The following ADAP1 variants were observed in gnomAD, a reference collection of about 807,000 sequenced individuals.
ADAP1 encodes ArfGAP with dual PH domains 1.
A neutral mutation model predicts 54.9 loss-of-function variants in ADAP1; 31 were observed. The observed-to-expected ratio is 0.56, with a 90% confidence interval of 0.42 to 0.76. The LOEUF (loss-of-function observed/expected upper bound fraction) is 0.76. Among genes scored for constraint, ADAP1 ranks in the 30% least tolerant of loss-of-function variants. The pLI, the probability that ADAP1 is intolerant of heterozygous loss-of-function variation, is 0.00. For synonymous variants in ADAP1, 313 were observed against 202.6 expected, an observed-to-expected ratio of 1.55 and a Z score of -4.63; for missense variants, 535 against 512.4, an observed-to-expected ratio of 1.04 and a Z score of -0.42.
In ADAP1 at chr7:897,919, C is replaced by G. The variant is rs1844581657; in HGVS notation, c.*1002G>C. The G allele has an allele frequency of 6.6e-6, 1 of 152,274 alleles. No individual in the cohort carries two copies. The highest frequency in any genetic ancestry group is 2.4e-5 in the African/African-American group (1 of 41,464). The allele number at this position is 152,274 out of a possible 1,614,324, so 9.4% of individuals were successfully genotyped here. On this transcript the variant is annotated 3_prime_UTR_variant, in exon 11 of 11. Transcript: ENST00000265846. ...CACAGCTGGAACCATGCCAGAGCCA[C>G]ATTTTATTCCAGGATGCGACACGGG...
intron 4 of ADAP1, among the ~76,000 whole-genome samples, chr7:906,553 GGA>G (rs1157253679): frequency 7.7e-5 from 1 of 13,038 alleles, no homozygotes. Flanking sequence ...AGGGAGAAAG[GGA>G]GAAAGGGAAA....
chr7:900,788 C>T (rs546020274), intron 6 of ADAP1, 172 bp from the exon 7 acceptor site: 10 of 655,964 alleles, frequency 1.5e-5, no homozygotes, highest in African/African-American at 1.5e-4. Context: ...CCTGTGCCCA[C>T]GCTGAGGCCG....
chr7:951,670 G>A (rs1847275213), intron 1 of ADAP1, among the ~76,000 whole-genome samples: 1 of 152,160 alleles, frequency 6.6e-6, no homozygotes, highest in Non-Finnish European at 1.5e-5. Context: ...TGGAGGCAGA[G>A]GCTGCAGTGA....
At chr7:905,571 A>AG (rs1322086789) in intron 4 of ADAP1, 4 of 88,700 alleles carry the variant, frequency 4.5e-5, no homozygotes, top group Admixed American at 1.3e-4. Flanking sequence ...GAAAGGAGAA[A>AG]GGAGAAAGGA....
chr7:925,344 G>A (rs1846345232), intron 3 of ADAP1, among the ~76,000 whole-genome samples: 1 of 140,496 alleles, frequency 7.1e-6, no homozygotes, highest in Admixed American at 7.3e-5. Context: ...AATGTAGGGA[G>A]ACCCCGTCTC....
At chr7:905,275 G>C (rs542166024) in intron 4 of ADAP1, 103 bp from the exon 5 acceptor site, 3 of 456,614 alleles carry the variant, frequency 6.6e-6, no homozygotes, top group Non-Finnish European at 1.1e-5. Flanking sequence ...GAAGACACGG[G>C]GGACACGGAC....
At chr7:900,908 A>G (rs985538593) in intron 6 of ADAP1, 2 of 575,982 alleles carry the variant, frequency 3.5e-6, no homozygotes, top group Admixed American at 2.2e-5. Flanking sequence ...CGGGCTGGAC[A>G]GGGTCGGGGG....
chr7:906,630 AGAAAGGAGAAAGG>A (rs1312797465), intron 4 of ADAP1, among the ~76,000 whole-genome samples: 9 of 76,274 alleles, frequency 1.2e-4, no homozygotes, highest in Non-Finnish European at 1.0e-4. Context: ...AGGAGAAAGG[AGAAAGGAGAAAGG>A]GAAAGGAGAA....
intron 1 of ADAP1, among the ~76,000 whole-genome samples, chr7:936,876 C>T (rs374764669): frequency 1.3e-5 from 2 of 152,358 alleles, no homozygotes; most frequent in East Asian, 3.9e-4. Context: ...GGAGGATAGC[C>T]CCCCTCCCAA....
At chr7:953,699 T>C (rs1847320775) in intron 1 of ADAP1, among the ~76,000 whole-genome samples, 1 of 152,180 alleles carries the variant, frequency 6.6e-6, no homozygotes, top group African/African-American at 2.4e-5. Flanking sequence ...ACAGGACCAG[T>C]GGCCTGGAAG....
rs1163038376 is a variant in ADAP1, at chr7:899,976, G to T, written c.795+126C>A. The stretch of plus-strand genomic sequence containing the variant: ...GACCCCGGCCAGGCACAGACAAGGG[G>T]CTGTGAGGACCCACCAGACACCAGT... On this transcript the variant is annotated intron_variant, in intron 8 of 10. Transcript: ENST00000265846. 5.2e-6 allele frequency: 6 copies of T among 1,153,420 alleles called. No individual in the cohort carries two copies. In the Admixed American group the frequency reaches 5.5e-5, roughly 10 times the overall value. 71.4% of individuals were successfully genotyped at this position (1,153,420 alleles called of 1,614,324 possible).
chr7:904,093 G>C lies in ADAP1; in HGVS notation c.648+33C>G, dbSNP rs146488513. On this transcript the variant is annotated intron_variant, in intron 6 of 10. Transcript: ENST00000265846. ...CGGGCCTGAGGGCCCACCCTCCTGT[G>C]CCACCCGGGCCCGAGTGCTCGCCAG... is the stretch of plus-strand genomic sequence containing the variant. 277 of 1,608,836 alleles carry C rather than the reference G, an allele frequency of 1.7e-4. 2 individuals carry two copies. The African/African-American group carries it at 3.1e-3, about 18-fold the overall frequency.
At chr7:941,787 A>C (rs1009989688) in intron 1 of ADAP1, among the ~76,000 whole-genome samples, 1 of 152,246 alleles carries the variant, frequency 6.6e-6, no homozygotes, top group African/African-American at 2.4e-5. Context: ...AGAAATGAAC[A>C]AGCTGATTCT....
chr7:907,667 G>A (rs1171132325), intron 4 of ADAP1, among the ~76,000 whole-genome samples: 1 of 152,220 alleles, frequency 6.6e-6, no homozygotes, highest in East Asian at 1.9e-4. Context: ...TGCGGACTCA[G>A]ATGCAGCTTC....
At chr7:922,873 T>G (rs1449975686) in intron 3 of ADAP1, 1 of 8,900 alleles carries the variant, frequency 1.1e-4, no homozygotes, top group South Asian at 3.2e-3. Context: ...CCCGCCCCCA[T>G]TGTCTATCCT....
rs1845335513 is a variant in ADAP1 at position 906,414 on chromosome 7, G to GGAGAAA, written c.389-1243_389-1242insTTTCTC. ...AGAAAGGAGAAAGGGAAAGGAGAAA[G>GGAGAAA]GGAGAAAGGGAAAGGAGAAAGGAGA... On this transcript the variant is annotated intron_variant, in intron 4 of 10. Coordinates refer to ENST00000265846, the MANE Select transcript of ADAP1 (RefSeq NM_006869.4). 2.7e-3 allele frequency among the ~76,000 whole-genome samples: 2 copies of GGAGAAA among 744 alleles called. 1 individual carries two copies. Among genetic ancestry groups the GGAGAAA allele is most frequent in the Non-Finnish European group, 4.7e-3 (2 of 428 alleles). The allele number at this position is 744 out of a possible 152,430, so 0.5% of individuals were successfully genotyped here.
Position 900,137 on chromosome 7 carries a change from G to A in ADAP1, c.760C>T (p.Leu254=), listed in dbSNP as rs765668318. The A allele has an allele frequency of 6.2e-6, 10 of 1,613,254 alleles. No homozygotes were observed. Among genetic ancestry groups the A allele is most frequent in the Non-Finnish European group, 8.5e-6 (10 of 1,179,932 alleles). ...GTCTTCTCCATGTAGCCTTCCTTCAGGTAGTTCCTGGAGAGCTTTGGCACC... is the reference window on the plus strand; with the variant it reads ...GTCTTCTCCATGTAGCCTTCCTTCAAGTAGTTCCTGGAGAGCTTTGGCACC... ...DLVPKLSRNY[L]KEGYMEKTGP... Residue 254 remains leucine (L), a synonymous_variant, in exon 8 of 11, where the codon CTG becomes TTG. Coordinates refer to ENST00000265846, the MANE Select transcript of ADAP1 (RefSeq NM_006869.4).
chr7:926,360 G>GCGCCCCCCA lies in ADAP1; in HGVS notation c.305+192_305+193insTGGGGGGCG, dbSNP rs1368110845. 0.35 allele frequency among the ~76,000 whole-genome samples: 51,997 copies of GCGCCCCCCA among 149,194 alleles called. 9,284 individuals carry two copies. The highest frequency in any genetic ancestry group is 0.39 in the East Asian group (1,975 of 5,002). On this transcript the variant is annotated intron_variant, in intron 3 of 10. Transcript: ENST00000265846. The surrounding 1 kb of genome is among the most constrained non-coding windows in gnomAD (Gnocchi z 4.6). ...TCCCAGCCCCACCCCAGCGCCCCCCGCCCCAGAACCAAAGCCCGGTGGTGG... is the reference window on the plus strand; with the variant it reads ...TCCCAGCCCCACCCCAGCGCCCCCCGCGCCCCCCACCCCAGAACCAAAGCCCGGTGGTGG...
chr7:906,797 A>AGGTGACATGGGTGACACGGGGGACACG, intron 4 of ADAP1, among the ~76,000 whole-genome samples: 1 of 37,352 alleles, frequency 2.7e-5, no homozygotes, highest in African/African-American at 1.3e-4. Flanking sequence ...GGGACGGGAC[A>AGGTGACATGGGTGACACGGGGGACACG]GGGGACATGG....
Sources: gnomAD v4.1 joint callset for allele counts (sites outside exome capture counted in the v4.1 genomes callset) on GRCh38, gnomAD v4.1.1 for gene constraint, Gnocchi (gnomAD v3.1) non-coding constraint, MANE v1.5 for transcripts, NCBI Gene and HGNC (gene_info 2026-07-23, HGNC 2026-07-21) for gene names.